Variants in ESR1 observed in about 807,000 individuals in gnomAD.
ESR1 encodes estrogen receptor 1.
A neutral mutation model predicts 52.7 loss-of-function variants in ESR1; 12 were observed. The ratio of observed to expected loss-of-function variants is 0.23; its 90% CI spans 0.15 to 0.37. The LOEUF (loss-of-function observed/expected upper bound fraction) is 0.37. Among genes scored for constraint, ESR1 ranks in the 10% least tolerant of loss-of-function variants. The pLI, the probability that ESR1 is intolerant of heterozygous loss-of-function variation, is 1.00. For missense variants in ESR1, 584 were observed against 779.7 expected, an observed-to-expected ratio of 0.75 and a Z score of 2.99; for synonymous variants, 305 against 316.8, an observed-to-expected ratio of 0.96 and a Z score of 0.39.
chr6:152,033,996 A>G (rs181582509), intron 5 of ESR1, among the ~76,000 whole-genome samples: 1 of 152,328 alleles, frequency 6.6e-6, no homozygotes, highest in Admixed American at 6.5e-5. Context: ...TTGTAAGGAC[A>G]TGGATGAAAC....
Position 151,807,908 on chromosome 6 carries a change from G to A in ESR1, c.-5G>A, listed in dbSNP as rs778042209. On this transcript the variant is annotated 5_prime_UTR_variant, in exon 1 of 8. Transcript: ENST00000206249. ...CGGTCTGCACCCTGCCCGCGGCCACGGACCATGACCATGACCCTCCACACC... is the reference window on the plus strand; with the variant it reads ...CGGTCTGCACCCTGCCCGCGGCCACAGACCATGACCATGACCCTCCACACC... The A allele has an allele frequency of 1.2e-6, 2 of 1,613,300 alleles. No homozygotes were observed. The highest frequency in any genetic ancestry group is 1.7e-6 in the Non-Finnish European group (2 of 1,179,698).
chr6:151,800,294 G>C (rs1353447822), upstream of ESR1, among the ~76,000 whole-genome samples: 2 of 152,058 alleles, frequency 1.3e-5, no homozygotes, highest in African/African-American at 4.8e-5. Flanking sequence ...AGGAAGAGGG[G>C]CTCTCAGAAG....
chr6:151,914,234 G>T (rs1584188810), intron 3 of ESR1, among the ~76,000 whole-genome samples: 1 of 145,812 alleles, frequency 6.9e-6, no homozygotes. Flanking sequence ...ATTATCCTTT[G>T]TACTTGTGTC....
At chr6:151,911,200 G>A (rs1798200205) in intron 3 of ESR1, among the ~76,000 whole-genome samples, 1 of 152,140 alleles carries the variant, frequency 6.6e-6, no homozygotes, top group Non-Finnish European at 1.5e-5. Context: ...CATTTCTTGA[G>A]AGTGTTTGTT....
In ESR1 at chr6:152,100,403, C is replaced by T. The variant is rs993420405; in HGVS notation, c.*1437C>T. The stretch of plus-strand genomic sequence containing the variant: ...GGTTTGGTTTGGGGAAGAAAATCCT[C>T]CCCCTTCCTCCCCCGCCCCGTTCCC... On this transcript the variant is annotated 3_prime_UTR_variant, in exon 8 of 8. Coordinates refer to ENST00000206249, the MANE Select transcript of ESR1 (RefSeq NM_000125.4). 1.0e-5 allele frequency: 3 copies of T among 287,060 alleles called. No individual in the cohort carries two copies. Among genetic ancestry groups the T allele is most frequent in the Non-Finnish European group, 1.9e-5 (3 of 154,088 alleles). 17.8% of individuals were successfully genotyped at this position (287,060 alleles called of 1,614,324 possible). A position where few individuals can be genotyped will look rare whatever the true frequency, so the allele number is the denominator to read the frequency against.
intron 6 of ESR1, among the ~76,000 whole-genome samples, chr6:152,067,120 C>T (rs72993652): frequency 0.055 from 8,382 of 152,246 alleles, 310 homozygotes; most frequent in South Asian, 0.12. Context: ...TTCACCCCTG[C>T]GCTTTCAGGT....
At chr6:151,921,770 C>A (rs2031729570) in intron 3 of ESR1, among the ~76,000 whole-genome samples, 1 of 152,124 alleles carries the variant, frequency 6.6e-6, no homozygotes, top group African/African-American at 2.4e-5. Context: ...CCTCTTCCAA[C>A]TTTTTAATAG....
chr6:152,036,514 A>T (rs2045319432), intron 5 of ESR1, among the ~76,000 whole-genome samples: 1 of 152,238 alleles, frequency 6.6e-6, no homozygotes, highest in African/African-American at 2.4e-5. Context: ...TATGGCAAGA[A>T]AAAAGAAAAC....
exon 7 of ESR1, chr6:152,128,213 C>T (rs1056071951): frequency 6.6e-6 from 1 of 152,206 alleles, no homozygotes; most frequent in Non-Finnish European, 1.5e-5. Context: ...CCATCATAAG[C>T]ATTTGCTTTG....
At chr6:151,857,084 G>T (rs1787985671) in intron 2 of ESR1, among the ~76,000 whole-genome samples, 1 of 152,134 alleles carries the variant, frequency 6.6e-6, no homozygotes, top group Non-Finnish European at 1.5e-5. Flanking sequence ...GGCTGCACAC[G>T]TACATAAGTC....
chr6:151,877,024 G>GT (rs1314080781), intron 2 of ESR1, among the ~76,000 whole-genome samples: 1 of 151,142 alleles, frequency 6.6e-6, no homozygotes, highest in African/African-American at 2.4e-5. Flanking sequence ...GGTGTGAGTT[G>GT]TTTTTTAGAA....
At chr6:151,680,826 G>C (rs1778431918) in intron 1 of ESR1, among the ~76,000 whole-genome samples, 1 of 152,116 alleles carries the variant, frequency 6.6e-6, no homozygotes, top group Non-Finnish European at 1.5e-5. Flanking sequence ...CATGGTAGGT[G>C]CTCAGGAGAT....
intron 2 of ESR1, among the ~76,000 whole-genome samples, chr6:151,739,209 A>T (rs1238876433): frequency 2.0e-5 from 3 of 152,188 alleles, no homozygotes; most frequent in Admixed American, 2.0e-4. Context: ...TAAAATAGGG[A>T]TAATGTCATG....
intron 6 of ESR1, among the ~76,000 whole-genome samples, chr6:152,093,330 ATC>A (rs34340611): frequency 0.059 from 7,409 of 125,468 alleles, 255 homozygotes; most frequent in South Asian, 0.2. Context: ...TACTACCTGG[ATC>A]TCTCTCTCTC....
chr6:151,672,543 G>T (rs1371346144), intron 1 of ESR1, among the ~76,000 whole-genome samples: 1 of 151,274 alleles, frequency 6.6e-6, no homozygotes, highest in Non-Finnish European at 1.5e-5. Context: ...CGCCATGTTG[G>T]CCAGGCTGGT....
intron 1 of ESR1, among the ~76,000 whole-genome samples, chr6:151,661,317 G>A (rs887340887): frequency 1.3e-5 from 2 of 152,284 alleles, no homozygotes; most frequent in South Asian, 4.1e-4. Flanking sequence ...TGCCTATAAG[G>A]CCATGCTTTG....
At chr6:151,866,670 T>C (rs1300161264) in intron 2 of ESR1, among the ~76,000 whole-genome samples, 1 of 152,210 alleles carries the variant, frequency 6.6e-6, no homozygotes, top group East Asian at 1.9e-4. Context: ...TCCTTTTTTA[T>C]GGCTGCATAG....
chr6:151,808,712 A>G (rs912951240), intron 1 of ESR1, among the ~76,000 whole-genome samples: 1 of 152,158 alleles, frequency 6.6e-6, no homozygotes, highest in African/African-American at 2.4e-5. Flanking sequence ...CTCCAGGCAA[A>G]TAAACACGGG....
At chr6:151,762,280 T>G (rs1784716529) in intron 2 of ESR1, among the ~76,000 whole-genome samples, 1 of 152,250 alleles carries the variant, frequency 6.6e-6, no homozygotes, top group South Asian at 2.1e-4. Flanking sequence ...CTAAGGTGTA[T>G]GCATGTTTTT....
Sources: allele counts gnomAD v4.1 joint callset (sites outside exome capture counted in the v4.1 genomes callset), GRCh38; gene constraint gnomAD v4.1.1; transcripts MANE v1.5; gene names NCBI Gene and HGNC (gene_info 2026-07-23, HGNC 2026-07-21).